ANKRD55: variants seen among roughly 807,000 people sequenced by gnomAD.
The protein encoded by ANKRD55 is ankyrin repeat domain-containing protein 55.
Under a neutral mutation model 60.6 loss-of-function variants are expected in ANKRD55, and 41 were observed. The ratio of observed to expected loss-of-function variants is 0.68; its 90% CI spans 0.53 to 0.88. ANKRD55 has a LOEUF of 0.88. ANKRD55 is among the 40% of genes least tolerant of loss of function. The probability of loss-of-function intolerance (pLI) is 0.00; values close to 1 mark genes in which losing one functional copy is unlikely to be tolerated. For synonymous variants in ANKRD55, 264 were observed against 290.3 expected (o/e 0.91, Z 0.92); for missense variants, 732 against 767.6 (o/e 0.95, Z 0.55).
chr5:56,218,928 T>C (rs1480930185), intron 2 of ANKRD55, among the ~76,000 whole-genome samples: 1 of 152,196 alleles, frequency 6.6e-6, no homozygotes, highest in Non-Finnish European at 1.5e-5. Context: ...TACAAGTGTT[T>C]TTTTATATGA....
chr5:56,133,151 A>C (rs1258855299), intron 7 of ANKRD55, among the ~76,000 whole-genome samples: 1 of 152,204 alleles, frequency 6.6e-6, no homozygotes, highest in Non-Finnish European at 1.5e-5. Context: ...TTAAAAATAC[A>C]ATTAATTGGC....
chr5:56,162,801 G>A (rs373369119), intron 5 of ANKRD55, among the ~76,000 whole-genome samples: 1 of 151,916 alleles, frequency 6.6e-6, no homozygotes, highest in African/African-American at 2.4e-5. Flanking sequence ...AGTCTTCAGA[G>A]TAGTTTGCAC....
chr5:56,111,626 GTCC>G lies in ANKRD55; in HGVS notation c.1119_1121del (p.Glu373del), dbSNP rs1443721655. On this transcript the variant is annotated inframe_deletion, in exon 10 of 12. Transcript: ENST00000341048. Reference sequence around the variant, plus strand: ...TGATGATGTCATTGACTTCTGAGGTGTCCTCCTCTCTGTATCGGTCCCTGCTGG... The same window carrying G: ...TGATGATGTCATTGACTTCTGAGGTGTCCTCTCTGTATCGGTCCCTGCTGG... The G allele has an allele frequency of 2.5e-6, 4 of 1,573,524 alleles. No individual in the cohort carries two copies. The highest frequency in any genetic ancestry group is 3.4e-6 in the Non-Finnish European group (4 of 1,163,432).
intron 2 of ANKRD55, among the ~76,000 whole-genome samples, chr5:56,215,056 A>G (rs1759769510): frequency 6.6e-6 from 1 of 152,184 alleles, no homozygotes; most frequent in Non-Finnish European, 1.5e-5. Flanking sequence ...CCACAACCAA[A>G]GAGCAAGATG....
intron 7 of ANKRD55, among the ~76,000 whole-genome samples, chr5:56,141,480 G>T (rs1372457897): frequency 6.6e-6 from 1 of 152,224 alleles, no homozygotes; most frequent in Non-Finnish European, 1.5e-5. Context: ...GCCTGGACGT[G>T]AGTATTGTTT....
At chr5:56,145,871 A>G (rs1757883339) in intron 6 of ANKRD55, among the ~76,000 whole-genome samples, 1 of 152,236 alleles carries the variant, frequency 6.6e-6, no homozygotes, top group South Asian at 2.1e-4. Context: ...CAATGCTGGT[A>G]TAAAAGCAAT....
intron 3 of ANKRD55, among the ~76,000 whole-genome samples, chr5:56,182,875 T>C (rs1348684830): frequency 6.6e-6 from 1 of 152,234 alleles, no homozygotes; most frequent in African/African-American, 2.4e-5. Flanking sequence ...ACTTATTGTC[T>C]AAAAAGTGTT....
chr5:56,226,135 T>A (rs1233181839), intron 2 of ANKRD55, among the ~76,000 whole-genome samples: 1 of 152,034 alleles, frequency 6.6e-6, no homozygotes, highest in African/African-American at 2.4e-5. Context: ...AAAACAGAGA[T>A]ATAGACCAAT....
At chr5:56,152,873 T>C (rs1220060428) in intron 6 of ANKRD55, among the ~76,000 whole-genome samples, 1 of 152,014 alleles carries the variant, frequency 6.6e-6, no homozygotes, top group African/African-American at 2.4e-5. Context: ...AATCCAGTTC[T>C]TGGGGTAGAG....
intron 2 of ANKRD55, among the ~76,000 whole-genome samples, chr5:56,205,064 C>CCT (rs1759466726): frequency 6.6e-6 from 1 of 151,246 alleles, no homozygotes; most frequent in South Asian, 2.1e-4. Flanking sequence ...TCTTTTCTTT[C>CCT]TTTTTTTTTC....
rs765189420 is a variant in ANKRD55 at position 56,212,078 on chromosome 5, ACACACACACACG to A, written c.58+20766_58+20777del. ...CACACACACACACACACACACACAC[ACACACACACACG>A]CGTACCTATAGACCAATTCGGTTTG... is the stretch of plus-strand genomic sequence containing the variant. On this transcript the variant is annotated intron_variant, in intron 2 of 11. Coordinates refer to ENST00000341048, the MANE Select transcript of ANKRD55 (RefSeq NM_024669.3). Among the ~76,000 whole-genome samples the A allele has an allele frequency of 9.8e-4, 136 of 138,118 alleles. 1 individual carries two copies. The highest frequency in any genetic ancestry group is 2.5e-3 in the East Asian group (11 of 4,400). 90.6% of individuals were successfully genotyped at this position (138,118 alleles called of 152,430 possible). A position where few individuals can be genotyped will look rare whatever the true frequency, so the allele number is the denominator to read the frequency against.
chr5:56,138,086 T>C (rs1757658238), intron 7 of ANKRD55, among the ~76,000 whole-genome samples: 1 of 151,546 alleles, frequency 6.6e-6, no homozygotes, highest in Non-Finnish European at 1.5e-5. Flanking sequence ...AAATGCAAAA[T>C]GGTACAGCCA....
intron 2 of ANKRD55, chr5:56,192,796 C>T: frequency 1.1e-6 from 1 of 911,790 alleles, no homozygotes; most frequent in Non-Finnish European, 1.7e-6. Context: ...CTGAAAACCT[C>T]TATTAGCAAG....
chr5:56,212,237 G>A (rs1581025287), intron 2 of ANKRD55, among the ~76,000 whole-genome samples: 1 of 152,092 alleles, frequency 6.6e-6, no homozygotes, highest in Non-Finnish European at 1.5e-5. Flanking sequence ...TACTTTGGTT[G>A]GAGGATATCT....
chr5:56,159,875 C>G lies in ANKRD55; in HGVS notation c.441G>C (p.Leu147Phe). The G allele has an allele frequency of 1.2e-6, 2 of 1,613,796 alleles. No homozygotes were observed. The highest frequency in any genetic ancestry group is 1.7e-6 in the Non-Finnish European group (2 of 1,179,834). The stretch of plus-strand genomic sequence containing the variant: ...TAATCTCGCTGATGTTCGACTGTTG[C>G]AACAGGACCGTGAGGAGCCTGTAAG... ...EPDMRLLTVL[L>F]QQSNISEINH... The change falls in exon 6 of 12, where the codon TTG becomes TTC. Residue 147 changes from leucine (L) to phenylalanine (F), a missense_variant. Leu to Phe is a conservative substitution (Grantham distance 22). Coordinates refer to ENST00000341048, the MANE Select transcript of ANKRD55 (RefSeq NM_024669.3).
intron 7 of ANKRD55, among the ~76,000 whole-genome samples, chr5:56,132,424 C>CAAAAAAAAAAAAAAAAAAAAAAAAAAAA (rs34289990): frequency 2.5e-5 from 3 of 120,370 alleles, no homozygotes; most frequent in Admixed American, 8.1e-5. Context: ...ACTTAAAATA[C>CAAAAAAAAAAAAAAAAAAAAAAAAAAAA]AAAAAAAAAA....
Position 56,100,048 on chromosome 5 carries a change from T to G in ANKRD55, c.*135A>C. On this transcript the variant is annotated 3_prime_UTR_variant, in exon 12 of 12. Coordinates refer to ENST00000341048, the MANE Select transcript of ANKRD55 (RefSeq NM_024669.3). ...AGTATCTTTATTTGGAATAAAGAAT[T>G]TCGAGTTATAAAACTGATGGCTTAT... The G allele has an allele frequency of 8.5e-7, 1 of 1,175,468 alleles. No homozygotes were observed. The highest frequency in any genetic ancestry group is 1.4e-5 in the South Asian group (1 of 69,254). 72.8% of individuals were successfully genotyped at this position (1,175,468 alleles called of 1,614,324 possible).
intron 10 of ANKRD55, among the ~76,000 whole-genome samples, chr5:56,108,913 T>G (rs867357853): frequency 6.6e-6 from 1 of 152,104 alleles, no homozygotes; most frequent in Non-Finnish European, 1.5e-5. Flanking sequence ...GGCACATGCC[T>G]GTAATCCCAG....
intron 6 of ANKRD55, among the ~76,000 whole-genome samples, chr5:56,145,706 G>A (rs1474089795): frequency 4.6e-5 from 7 of 152,146 alleles, no homozygotes; most frequent in Non-Finnish European, 1.0e-4. Context: ...AGGGTTTAAG[G>A]TTTGTGGGAC....
Sources: gnomAD v4.1 joint callset for allele counts (sites outside exome capture counted in the v4.1 genomes callset) on GRCh38, gnomAD v4.1.1 for gene constraint, MANE v1.5 for transcripts, NCBI Gene and HGNC (gene_info 2026-07-23, HGNC 2026-07-21) for gene names.